Variants in ADK observed in about 807,000 individuals in gnomAD.
The protein encoded by ADK is adenosine kinase, also known as N6,N6-dimethyladenosine kinase.
Under a neutral mutation model 44.7 loss-of-function variants are expected in ADK, and 24 were observed. That is an observed-to-expected ratio of 0.54 (90% CI 0.39 to 0.76). The LOEUF is 0.76. Ranked by LOEUF, ADK falls within the 30% of genes least tolerant of loss-of-function variation. ADK has a pLI of 0.00. For missense variants in ADK, 321 were observed against 425.1 expected (o/e 0.76, Z 2.15); for synonymous variants, 128 against 142.6 (o/e 0.90, Z 0.73).
intron 9 of ADK, among the ~76,000 whole-genome samples, chr10:74,667,943 C>T (rs1006204329): frequency 2.8e-4 from 43 of 152,038 alleles, no homozygotes; most frequent in African/African-American, 6.5e-4. Flanking sequence ...TGTTTTCAAA[C>T]GAGGAGCTCA....
chr10:74,153,982 TC>T (rs1156692444), intron 1 of ADK, among the ~76,000 whole-genome samples: 1 of 152,198 alleles, frequency 6.6e-6, no homozygotes, highest in Non-Finnish European at 1.5e-5. Context: ...ACAGGTACCA[TC>T]CTCTTGGTGG....
Position 74,157,696 on chromosome 10 carries a change from T to C in ADK, c.65+6353T>C, listed in dbSNP as rs373233660. ...GAATTTGAGACCAGCCTGACCAACA[T>C]GGAGAAACTCCATCTTTACTAAAAA... On this transcript the variant is annotated intron_variant, in intron 1 of 10. Transcript: ENST00000539909. Among the ~76,000 whole-genome samples, 200 of 140,512 alleles carry C rather than the reference T, an allele frequency of 1.4e-3. 3 individuals carry two copies. In the South Asian group the frequency reaches 0.042, roughly 30 times the overall value. 92.2% of individuals were successfully genotyped at this position (140,512 alleles called of 152,430 possible). A position where few individuals can be genotyped will look rare whatever the true frequency, so the allele number is the denominator to read the frequency against.
At chr10:74,684,906 T>G (rs191700482) in intron 10 of ADK, among the ~76,000 whole-genome samples, 249 of 152,378 alleles carry the variant, frequency 1.6e-3, no homozygotes, top group African/African-American at 5.9e-3. Flanking sequence ...ATACCTTGAT[T>G]AAAGCAGATT....
At chr10:74,520,321 T>C (rs1409037422) in intron 6 of ADK, among the ~76,000 whole-genome samples, 1 of 152,040 alleles carries the variant, frequency 6.6e-6, no homozygotes, top group East Asian at 1.9e-4. Flanking sequence ...ACAAAGTCTT[T>C]TTTTTTTCTA....
At chr10:74,164,278 G>T (rs1331539612) in intron 1 of ADK, among the ~76,000 whole-genome samples, 8 of 152,224 alleles carry the variant, frequency 5.3e-5, no homozygotes, top group Non-Finnish European at 2.9e-5. Flanking sequence ...GCTCATGCCT[G>T]TAATCCCAGC....
intron 9 of ADK, among the ~76,000 whole-genome samples, chr10:74,647,992 AT>A (rs1854114750): frequency 6.6e-6 from 1 of 152,122 alleles, no homozygotes; most frequent in Non-Finnish European, 1.5e-5. Context: ...CCACACTACA[AT>A]TTATCTTCTT....
rs11431842 is a variant in ADK at position 74,509,196 on chromosome 10, A to ATTT, written c.556-16047_556-16045dup. Among the ~76,000 whole-genome samples, 503 of 144,702 alleles carry ATTT rather than the reference A, an allele frequency of 3.5e-3. 4 individuals carry two copies. The highest frequency in any genetic ancestry group is 0.012 in the African/African-American group (472 of 39,748). The allele number at this position is 144,702 out of a possible 152,430, so 94.9% of individuals were successfully genotyped here. ...GTACATATTCATGGAATACATTATG[A>ATTT]TTTTTTTTTTTTTTTGAGACGGAGT... On this transcript the variant is annotated intron_variant, in intron 6 of 10. Transcript: ENST00000539909.
At chr10:74,166,199 C>G (rs1842030594) in intron 1 of ADK, among the ~76,000 whole-genome samples, 1 of 152,236 alleles carries the variant, frequency 6.6e-6, no homozygotes, top group South Asian at 2.1e-4. Flanking sequence ...CTCGGCCTCC[C>G]AAATTGCTGG....
chr10:74,469,231 C>T (rs935804057), intron 6 of ADK, among the ~76,000 whole-genome samples: 39 of 152,122 alleles, frequency 2.6e-4, no homozygotes, highest in African/African-American at 5.8e-4. Context: ...CTGAGCTACT[C>T]GGGAGGCTAA....
intron 6 of ADK, among the ~76,000 whole-genome samples, chr10:74,489,338 A>G (rs538586139): frequency 9.2e-5 from 14 of 151,998 alleles, no homozygotes; most frequent in Non-Finnish European, 1.8e-4. Context: ...GAAATTCAGG[A>G]CATTTGGATA....
chr10:74,245,796 G>T (rs1006254907), intron 3 of ADK, among the ~76,000 whole-genome samples: 7 of 151,892 alleles, frequency 4.6e-5, no homozygotes, highest in Non-Finnish European at 7.4e-5. Flanking sequence ...TCACCATATT[G>T]GTCAGGCTGG....
intron 10 of ADK, among the ~76,000 whole-genome samples, chr10:74,685,339 A>C (rs147577864): frequency 8.2e-4 from 125 of 152,332 alleles, no homozygotes; most frequent in African/African-American, 2.8e-3. Context: ...ACTAATAAAA[A>C]TTATGATATC....
At chr10:74,251,803 T>G (rs1845660438) in intron 3 of ADK, among the ~76,000 whole-genome samples, 1 of 152,148 alleles carries the variant, frequency 6.6e-6, no homozygotes, top group Non-Finnish European at 1.5e-5. Flanking sequence ...AGCTAAGGTC[T>G]GTAATTAATG....
chr10:74,529,151 A>G (rs1245080973), intron 7 of ADK: 1 of 152,220 alleles, frequency 6.6e-6, no homozygotes, highest in Non-Finnish European at 1.5e-5. Flanking sequence ...TTTCATGTAT[A>G]TATACAATGG....
At chr10:74,605,296 G>A (rs887617071) in intron 9 of ADK, among the ~76,000 whole-genome samples, 1 of 152,144 alleles carries the variant, frequency 6.6e-6, no homozygotes, top group Non-Finnish European at 1.5e-5. Flanking sequence ...TAGGAGTGGC[G>A]AGAGAGTGCA....
intron 9 of ADK, among the ~76,000 whole-genome samples, chr10:74,602,977 C>T (rs1231495781): frequency 6.6e-6 from 1 of 152,128 alleles, no homozygotes; most frequent in Non-Finnish European, 1.5e-5. Context: ...CAATCATTCG[C>T]CAGGCTCTGG....
At chr10:74,343,701 C>A (rs1246087533) in intron 4 of ADK, among the ~76,000 whole-genome samples, 4 of 152,148 alleles carry the variant, frequency 2.6e-5, no homozygotes, top group Admixed American at 6.5e-5. Context: ...TTCTGCCTCC[C>A]AGGTTCAAGC....
rs530721986 is a variant in ADK at position 74,663,249 on chromosome 10, ATAT to A, written c.878-6933_878-6931del. Among the ~76,000 whole-genome samples the A allele has an allele frequency of 3.1e-3, 258 of 83,270 alleles. 2 individuals are homozygous for A. The highest frequency in any genetic ancestry group is 0.013 in the African/African-American group (237 of 18,890). 54.6% of individuals were successfully genotyped at this position (83,270 alleles called of 152,430 possible). On this transcript the variant is annotated intron_variant, in intron 9 of 10. Coordinates refer to ENST00000539909, the MANE Select transcript of ADK (RefSeq NM_006721.4). ...GATGCTATCTCAAAAAAAAAAAATA[ATAT>A]ATATATATATATATATGTATCTCAA... is the stretch of plus-strand genomic sequence containing the variant.
At chr10:74,641,998 A>G (rs1011095835) in intron 9 of ADK, among the ~76,000 whole-genome samples, 1 of 152,288 alleles carries the variant, frequency 6.6e-6, no homozygotes, top group South Asian at 2.1e-4. Flanking sequence ...AGTAATTCAA[A>G]TATATTATTT....
Sources: gnomAD v4.1 joint callset for allele counts (sites outside exome capture counted in the v4.1 genomes callset) on GRCh38, gnomAD v4.1.1 for gene constraint, MANE v1.5 for transcripts, NCBI Gene and HGNC (gene_info 2026-07-23, HGNC 2026-07-21) for gene names.